The following SEMA4D variants were observed in gnomAD, a reference collection of about 807,000 sequenced individuals.
SEMA4D encodes semaphorin 4D.
Under a neutral mutation model 74.8 loss-of-function variants are expected in SEMA4D, and 22 were observed. The observed-to-expected ratio is 0.29, with a 90% confidence interval of 0.21 to 0.42. The LOEUF (loss-of-function observed/expected upper bound fraction) is 0.42, where lower values mean the gene tolerates loss of function less well. Among genes scored for constraint, SEMA4D ranks in the 10% least tolerant of loss-of-function variants. The probability of loss-of-function intolerance (pLI) is 1.00; values close to 1 mark genes in which losing one functional copy is unlikely to be tolerated. For missense variants in SEMA4D, 937 were observed against 1,118.4 expected, an observed-to-expected ratio of 0.84 and a Z score of 2.31; for synonymous variants, 445 against 463.7, an observed-to-expected ratio of 0.96 and a Z score of 0.52.
At chr9:89,410,325 T>G (rs1045139331) in intron 2 of SEMA4D, among the ~76,000 whole-genome samples, 1 of 152,202 alleles carries the variant, frequency 6.6e-6, no homozygotes, top group African/African-American at 2.4e-5. Context: ...TTAAATATAA[T>G]TTGTTTCATT....
At chr9:89,450,946 G>A (rs1466896289) in intron 2 of SEMA4D, among the ~76,000 whole-genome samples, 3 of 152,084 alleles carry the variant, frequency 2.0e-5, no homozygotes, top group African/African-American at 4.8e-5. Context: ...CTTGGGAGGC[G>A]AGGCTTCCCA....
At chr9:89,383,996 C>T (rs757080813) in intron 13 of SEMA4D, among the ~76,000 whole-genome samples, 3 of 152,118 alleles carry the variant, frequency 2.0e-5, no homozygotes, top group Non-Finnish European at 4.4e-5. Context: ...TGACGGTGGA[C>T]GTGATCAGAG....
At chr9:89,365,957 A>G (rs1290278620) in intron 16 of SEMA4D, among the ~76,000 whole-genome samples, 2 of 152,216 alleles carry the variant, frequency 1.3e-5, no homozygotes, top group African/African-American at 2.4e-5. Flanking sequence ...CCCACTGTCC[A>G]GGATCACCAG....
chr9:89,385,866 G>GGGGGGGGGGCGCC, intron 13 of SEMA4D: 1 of 196,226 alleles, frequency 5.1e-6, no homozygotes, highest in Non-Finnish European at 9.0e-6. Flanking sequence ...CAGCGTGGAT[G>GGGGGGGGGGCGCC]CCCGCCCACC....
At chr9:89,456,020 T>A (rs192117109) in intron 1 of SEMA4D, 67 bp from the exon 2 acceptor site, 7 of 152,262 alleles carry the variant, frequency 4.6e-5, no homozygotes, top group African/African-American at 1.7e-4. Flanking sequence ...ACAATATACA[T>A]ACACACAATT....
intron 1 of SEMA4D, among the ~76,000 whole-genome samples, chr9:89,480,875 T>C (rs969629306): frequency 2.0e-5 from 3 of 152,132 alleles, no homozygotes; most frequent in African/African-American, 7.2e-5. Flanking sequence ...CACAGTGCAG[T>C]GGGGGACTGA....
At chr9:89,477,996 ACT>A (rs1050348927) in intron 1 of SEMA4D, among the ~76,000 whole-genome samples, 50 of 152,212 alleles carry the variant, frequency 3.3e-4, no homozygotes, top group African/African-American at 1.1e-3. Flanking sequence ...TTTCCACTGT[ACT>A]CTTATTTCTA....
chr9:89,465,611 T>C (rs927110620), intron 1 of SEMA4D, among the ~76,000 whole-genome samples: 9 of 152,238 alleles, frequency 5.9e-5, no homozygotes, highest in Admixed American at 4.6e-4. Context: ...ATTAACTTTA[T>C]GTTATGTGAA....
chr9:89,457,255 A>T (rs1856169599), intron 1 of SEMA4D, among the ~76,000 whole-genome samples: 1 of 152,144 alleles, frequency 6.6e-6, no homozygotes, highest in Admixed American at 6.5e-5. Flanking sequence ...TGGGGAGCAG[A>T]CCCAGTGCAC....
chr9:89,405,695 A>T lies in SEMA4D; in HGVS notation c.-239T>A. 7.1e-7 allele frequency: 1 copy of T among 1,403,716 alleles called. No homozygotes were observed. Among genetic ancestry groups the T allele is most frequent in the Non-Finnish European group, 9.2e-7 (1 of 1,082,486 alleles). The allele number at this position is 1,403,716 out of a possible 1,614,324, so 87.0% of individuals were successfully genotyped here. On this transcript the variant is annotated 5_prime_UTR_variant, in exon 3 of 16. Transcript: ENST00000422704. Reference sequence around the variant, plus strand: ...TGATACTTCTTCAGGGCCTCAGAAGAAATGCTGGAAGGACATGAGAAAGAA... The same window carrying T: ...TGATACTTCTTCAGGGCCTCAGAAGTAATGCTGGAAGGACATGAGAAAGAA...
At chr9:89,391,171 T>C (rs758220085) in intron 9 of SEMA4D, 93 bp downstream of exon 9, 342 of 1,252,350 alleles carry the variant, frequency 2.7e-4, no homozygotes, top group Non-Finnish European at 3.8e-4. Flanking sequence ...CTAGGGAAAG[T>C]GACATTTGAG....
intron 2 of SEMA4D, among the ~76,000 whole-genome samples, chr9:89,454,107 T>C (rs1855341737): frequency 6.6e-6 from 1 of 152,178 alleles, no homozygotes; most frequent in African/African-American, 2.4e-5. Context: ...ATCTTCAGTA[T>C]GTCCTTTGCA....
chr9:89,409,494 A>G (rs1271097031), intron 2 of SEMA4D, among the ~76,000 whole-genome samples: 1 of 152,196 alleles, frequency 6.6e-6, no homozygotes, highest in Non-Finnish European at 1.5e-5. Context: ...GGGGCTGTGC[A>G]TGTGTGGGGA....
At chr9:89,467,198 T>C (rs1858950179) in intron 1 of SEMA4D, among the ~76,000 whole-genome samples, 2 of 152,148 alleles carry the variant, frequency 1.3e-5, no homozygotes, top group African/African-American at 4.8e-5. Context: ...CCCTTGCACT[T>C]GTATGAGCAC....
At chr9:89,420,789 T>C (rs940843559) in intron 2 of SEMA4D, among the ~76,000 whole-genome samples, 3 of 152,250 alleles carry the variant, frequency 2.0e-5, no homozygotes, top group African/African-American at 7.2e-5. Context: ...GGGAAGTTAC[T>C]GAGCCTCTCT....
chr9:89,385,580 G>A, intron 13 of SEMA4D: 1 of 985,328 alleles, frequency 1.0e-6, no homozygotes, highest in Non-Finnish European at 1.2e-6. Flanking sequence ...AGATCTGAGG[G>A]AGAACTCTCC....
intron 2 of SEMA4D, among the ~76,000 whole-genome samples, chr9:89,423,968 A>G (rs1025909863): frequency 7.0e-5 from 6 of 86,124 alleles, no homozygotes; most frequent in African/African-American, 2.8e-4. Context: ...CTCCCTCAGC[A>G]CCTCCACCCC....
rs754320303 is a variant in SEMA4D at position 89,379,366 on chromosome 9, C to T, written c.1927G>A (p.Val643Ile). Residue 643 changes from valine to isoleucine, a missense_variant, in exon 16 of 16, where the codon GTC becomes ATC. Coordinates refer to ENST00000422704, the MANE Select transcript of SEMA4D (RefSeq NM_001371194.2). ...KTVFQVVAKH[V>I]LEVKVVPKPV... is the part of the protein sequence containing the mutation. ...TTTGGAACCACCTTCACTTCCAGGACGTGCTTGGCGACCACTTGGAAGACC... is the reference window on the plus strand; with the variant it reads ...TTTGGAACCACCTTCACTTCCAGGATGTGCTTGGCGACCACTTGGAAGACC... The T allele has an allele frequency of 1.6e-5, 26 of 1,614,060 alleles. No homozygotes were observed. The highest frequency in any genetic ancestry group is 3.3e-5 in the Admixed American group (2 of 60,004).
At chr9:89,425,623 C>G (rs1480435259) in intron 2 of SEMA4D, among the ~76,000 whole-genome samples, 1 of 152,214 alleles carries the variant, frequency 6.6e-6, no homozygotes, top group East Asian at 1.9e-4. Context: ...CCTACAAGCC[C>G]GCTGCTTTGA....
Sources: allele counts gnomAD v4.1 joint callset (sites outside exome capture counted in the v4.1 genomes callset), GRCh38; gene constraint gnomAD v4.1.1; transcripts MANE v1.5; gene names NCBI Gene and HGNC (gene_info 2026-07-23, HGNC 2026-07-21).